The following HS6ST3 variants were observed in gnomAD, a reference collection of about 807,000 sequenced individuals.
HS6ST3 encodes the protein heparan sulfate 6-O-sulfotransferase 3, also known as heparan-sulfate 6-O-sulfotransferase 3.
HS6ST3 carries 12 observed loss-of-function variants against 36.7 expected under a neutral mutation model. That is an observed-to-expected ratio of 0.33 (90% CI 0.21 to 0.53). HS6ST3 has a LOEUF of 0.53. Among genes scored for constraint, HS6ST3 ranks in the 20% least tolerant of loss-of-function variants. The pLI, the probability that HS6ST3 is intolerant of heterozygous loss-of-function variation, is 0.95. For synonymous variants in HS6ST3, 240 were observed against 257.5 expected (o/e 0.93, Z 0.65); for missense variants, 584 against 640.9 (o/e 0.91, Z 0.96).
intron 1 of HS6ST3, among the ~76,000 whole-genome samples, chr13:96,150,692 G>A (rs959491406): frequency 1.3e-5 from 2 of 152,010 alleles, no homozygotes; most frequent in African/African-American, 2.4e-5. Flanking sequence ...GATTCCTGTC[G>A]CCGTAGGTCC....
intron 1 of HS6ST3, among the ~76,000 whole-genome samples, chr13:96,612,192 C>G (rs1044580249): frequency 1.3e-5 from 2 of 152,160 alleles, no homozygotes; most frequent in Non-Finnish European, 2.9e-5. Context: ...AAGCCATGAA[C>G]TGAAATAGGA....
chr13:96,178,669 G>C (rs1224270027), intron 1 of HS6ST3, among the ~76,000 whole-genome samples: 2 of 152,124 alleles, frequency 1.3e-5, no homozygotes, highest in African/African-American at 4.8e-5. Context: ...TCTTAGGTTG[G>C]AGTGAATCTC....
At chr13:96,561,674 T>G (rs1251484977) in intron 1 of HS6ST3, among the ~76,000 whole-genome samples, 1 of 151,986 alleles carries the variant, frequency 6.6e-6, no homozygotes, top group Non-Finnish European at 1.5e-5. Context: ...ATAAGGAATT[T>G]AAACAAGCAA....
chr13:96,310,131 T>C (rs929121762), intron 1 of HS6ST3, among the ~76,000 whole-genome samples: 10 of 152,202 alleles, frequency 6.6e-5, no homozygotes, highest in Non-Finnish European at 1.5e-4. Context: ...ATGTGTATAG[T>C]GAGTATTGCT....
intron 1 of HS6ST3, among the ~76,000 whole-genome samples, chr13:96,618,415 C>T (rs1427031219): frequency 3.9e-5 from 6 of 152,188 alleles, no homozygotes; most frequent in Admixed American, 3.3e-4. Flanking sequence ...TCTTTATTTT[C>T]AGAGTAATTT....
intron 1 of HS6ST3, among the ~76,000 whole-genome samples, chr13:96,303,843 G>C (rs906252151): frequency 3.3e-5 from 5 of 152,120 alleles, no homozygotes; most frequent in African/African-American, 1.2e-4. Flanking sequence ...GGAAGATTCA[G>C]CTTAAAAATA....
chr13:96,104,201 A>T (rs2053830658), intron 1 of HS6ST3, among the ~76,000 whole-genome samples: 1 of 152,218 alleles, frequency 6.6e-6, no homozygotes, highest in African/African-American at 2.4e-5. Flanking sequence ...CAAAGAAAGC[A>T]CGAAGTTACT....
rs78271955 is a variant in HS6ST3, at chr13:96,137,785, A to G, written c.707+46216A>G. On this transcript the variant is annotated intron_variant, in intron 1 of 1. Transcript: ENST00000376705. ...GGCCCATCCCTGTTTCAGGCCGCCC[A>G]GGGAAGCAGATAAGGAAGTTGCAGG... 2.7e-3 allele frequency among the ~76,000 whole-genome samples: 406 copies of G among 152,326 alleles called. 14 individuals are homozygous for G. In the East Asian group the frequency reaches 0.061, roughly 23 times the overall value.
chr13:96,152,989 C>A (rs1174791405), intron 1 of HS6ST3, among the ~76,000 whole-genome samples: 3 of 152,168 alleles, frequency 2.0e-5, no homozygotes. Flanking sequence ...CATTTCCCCT[C>A]CCTACCTGTT....
chr13:96,695,236 A>G (rs1187305171), intron 1 of HS6ST3, among the ~76,000 whole-genome samples: 3 of 152,124 alleles, frequency 2.0e-5, no homozygotes, highest in East Asian at 1.9e-4. Flanking sequence ...TCTTCTCTAA[A>G]TCAATCATCC....
chr13:96,586,469 T>C (rs559231019), intron 1 of HS6ST3, among the ~76,000 whole-genome samples: 8 of 152,200 alleles, frequency 5.3e-5, no homozygotes, highest in Admixed American at 2.0e-4. Context: ...CTAATTTTTG[T>C]ATTTTTAGTA....
chr13:96,706,429 A>T (rs1875427508), intron 1 of HS6ST3, among the ~76,000 whole-genome samples: 1 of 138,598 alleles, frequency 7.2e-6, no homozygotes, highest in East Asian at 2.0e-4. Flanking sequence ...ATATATATAT[A>T]TATATATATA....
At chr13:96,505,997 C>T (rs1279989579) in intron 1 of HS6ST3, among the ~76,000 whole-genome samples, 4 of 152,040 alleles carry the variant, frequency 2.6e-5, no homozygotes, top group Non-Finnish European at 4.4e-5. Context: ...CATGAAGAAT[C>T]GATACTTCTG....
At chr13:96,547,539 ATTAACT>A (rs2056202192) in intron 1 of HS6ST3, among the ~76,000 whole-genome samples, 2 of 152,204 alleles carry the variant, frequency 1.3e-5, no homozygotes, top group African/African-American at 2.4e-5. Flanking sequence ...TTTCCCTTAG[ATTAACT>A]TTAGTGGTTT....
chr13:96,752,420 G>A (rs9556621), intron 1 of HS6ST3, among the ~76,000 whole-genome samples: 11,508 of 152,124 alleles, frequency 0.076, 770 homozygotes, highest in African/African-American at 0.17. Context: ...CCCACCAGCA[G>A]TGTTGGAACA....
intron 1 of HS6ST3, among the ~76,000 whole-genome samples, chr13:96,579,124 A>G (rs1292187215): frequency 6.6e-6 from 1 of 152,156 alleles, no homozygotes; most frequent in Non-Finnish European, 1.5e-5. Flanking sequence ...GAGATAGTAT[A>G]TATATATTTT....
intron 1 of HS6ST3, among the ~76,000 whole-genome samples, chr13:96,159,023 T>A (rs1413593572): frequency 6.6e-6 from 1 of 152,144 alleles, no homozygotes; most frequent in Non-Finnish European, 1.5e-5. Flanking sequence ...GGGTTGTGTG[T>A]ATGTATTTGT....
At chr13:96,661,240 A>C (rs2056645320) in intron 1 of HS6ST3, among the ~76,000 whole-genome samples, 1 of 152,050 alleles carries the variant, frequency 6.6e-6, no homozygotes, top group Non-Finnish European at 1.5e-5. Context: ...CGGTGTGTTG[A>C]AGTCCCCCAC....
intron 1 of HS6ST3, among the ~76,000 whole-genome samples, chr13:96,395,686 C>G (rs1373757621): frequency 6.6e-6 from 1 of 152,140 alleles, no homozygotes; most frequent in Non-Finnish European, 1.5e-5. Context: ...GGACCCCTCT[C>G]CGCTCCCAGT....
Sources: allele counts gnomAD v4.1 joint callset (sites outside exome capture counted in the v4.1 genomes callset), GRCh38; gene constraint gnomAD v4.1.1; transcripts MANE v1.5; gene names NCBI Gene and HGNC (gene_info 2026-07-23, HGNC 2026-07-21).